NCAPG2: variants seen among roughly 807,000 people sequenced by gnomAD.
NCAPG2 encodes condensin-2 complex subunit G2.
In NCAPG2, 53 loss-of-function variants were observed where a neutral mutation model predicts 141.1. The observed-to-expected ratio is 0.38, with a 90% confidence interval of 0.30 to 0.47. The LOEUF is 0.47. Among genes scored for constraint, NCAPG2 ranks in the 20% least tolerant of loss-of-function variants. The pLI is 0.99. For synonymous variants in NCAPG2, 499 were observed against 490.7 expected, an observed-to-expected ratio of 1.02 and a Z score of -0.22; for missense variants, 1,087 against 1,389.0, an observed-to-expected ratio of 0.78 and a Z score of 3.46.
At chr7:158,651,819 C>T (rs553813734) in intron 23 of NCAPG2, among the ~76,000 whole-genome samples, 8 of 152,204 alleles carry the variant, frequency 5.3e-5, no homozygotes, top group Non-Finnish European at 8.8e-5. Context: ...AGGGAGGTAA[C>T]TCATGACAGA....
chr7:158,639,719 A>T, intron 27 of NCAPG2: 2 of 339,822 alleles, frequency 5.9e-6, no homozygotes, highest in Non-Finnish European at 8.3e-6. Context: ...AACACTGAAA[A>T]GGGAGAAGTT....
chr7:158,656,351 T>C lies in NCAPG2; in HGVS notation c.2297A>G (p.Tyr766Cys), dbSNP rs947549255. 9.3e-6 allele frequency: 15 copies of C among 1,614,188 alleles called. No homozygotes were observed. The highest frequency in any genetic ancestry group is 1.3e-5 in the Non-Finnish European group (15 of 1,180,028). The change falls in exon 19 of 28, where the codon TAT becomes TGT. Residue 766 changes from tyrosine to cysteine, a missense_variant. By Grantham distance (194) the Tyr-to-Cys change is radical. Transcript: ENST00000356309. The stretch of plus-strand genomic sequence containing the variant: ...GCGGTTCTTTGGATGAGTCAGCAGA[T>C]ACTCAATGTAGACCAATGCCAATTC... The part of the protein sequence containing the change: ...KPELALVYIE[Y>C]LLTHPKNREC...
Position 158,667,346 on chromosome 7 carries a change from C to CCCG in NCAPG2, c.1480-2597_1480-2596insCGG, listed in dbSNP as rs1833096652. 3.0e-5 allele frequency: 4 copies of CCCG among 134,050 alleles called. 1 individual carries two copies. Among genetic ancestry groups the CCCG allele is most frequent in the Admixed American group, 3.3e-4 (1 of 3,038 alleles). 8.3% of individuals were successfully genotyped at this position (134,050 alleles called of 1,614,324 possible). On this transcript the variant is annotated intron_variant, in intron 13 of 27. Transcript: ENST00000356309. The stretch of plus-strand genomic sequence containing the variant: ...GTCCCTCCGCTACTGTGTCCCTCCG[C>CCCG]TCCTTAGCCACTACCGGATCCCTCC...
intron 5 of NCAPG2, among the ~76,000 whole-genome samples, chr7:158,690,190 C>T (rs1835031809): frequency 6.6e-6 from 1 of 152,046 alleles, no homozygotes. Context: ...AGAACTTCCT[C>T]GATGATGAAG....
intron 16 of NCAPG2, among the ~76,000 whole-genome samples, chr7:158,659,127 C>T (rs1283576732): frequency 4.0e-5 from 6 of 150,554 alleles, no homozygotes; most frequent in South Asian, 4.2e-4. Context: ...GTTAGGAGTT[C>T]GAGAGCAGCC....
intron 13 of NCAPG2, among the ~76,000 whole-genome samples, chr7:158,670,110 T>C (rs1377725486): frequency 1.3e-5 from 2 of 152,362 alleles, no homozygotes; most frequent in Admixed American, 6.5e-5. Context: ...ACATGGTCAA[T>C]GATTTTCAAC....
At chr7:158,659,536 G>A (rs1832309623) in intron 16 of NCAPG2, among the ~76,000 whole-genome samples, 2 of 152,000 alleles carry the variant, frequency 1.3e-5, no homozygotes, top group South Asian at 4.2e-4. Flanking sequence ...TCCCAGTACA[G>A]TATTTAGAGT....
At chr7:158,643,878 GCAAGGGGGAAATTACACA>G (rs1830812031) in intron 27 of NCAPG2, among the ~76,000 whole-genome samples, 1 of 152,200 alleles carries the variant, frequency 6.6e-6, no homozygotes, top group South Asian at 2.1e-4. Context: ...GGGCTGTCCA[GCAAGGGGGAAATTACACA>G]CATCTCAGAG....
intron 8 of NCAPG2, among the ~76,000 whole-genome samples, chr7:158,685,361 A>G (rs1055889369): frequency 3.9e-5 from 6 of 152,328 alleles, no homozygotes; most frequent in South Asian, 4.1e-4. Flanking sequence ...CCACAGATGC[A>G]ATTTTAAATT....
intron 2 of NCAPG2, among the ~76,000 whole-genome samples, chr7:158,695,794 A>C (rs897741108): frequency 6.6e-6 from 1 of 152,262 alleles, no homozygotes; most frequent in Non-Finnish European, 1.5e-5. Context: ...AGTTAGAAAG[A>C]ACACGTGCAG....
chr7:158,692,292 G>A lies in NCAPG2; in HGVS notation c.382+550C>T, dbSNP rs191300496. Among the ~76,000 whole-genome samples, 319 of 148,200 alleles carry A rather than the reference G, an allele frequency of 2.2e-3. 3 individuals carry two copies. The highest frequency in any genetic ancestry group is 7.6e-3 in the Admixed American group (111 of 14,544). ...ACTGCACTTCAGCATAGGCAACAGG[G>A]CGAGATTCTGTCTCTAAAAAAAAAT... On this transcript the variant is annotated intron_variant, in intron 4 of 27. Coordinates refer to ENST00000356309, the MANE Select transcript of NCAPG2 (RefSeq NM_017760.7).
intron 7 of NCAPG2, 57 bp from the exon 8 acceptor site, chr7:158,686,298 A>G: frequency 1.9e-6 from 2 of 1,055,066 alleles, no homozygotes; most frequent in South Asian, 3.3e-5. Flanking sequence ...TTCTTTCAAC[A>G]TGTATCATTT....
chr7:158,698,494 C>G (rs911336278), intron 2 of NCAPG2, among the ~76,000 whole-genome samples: 1 of 152,214 alleles, frequency 6.6e-6, no homozygotes, highest in Non-Finnish European at 1.5e-5. Flanking sequence ...TGTTACAACA[C>G]TGTGCCTACA....
At chr7:158,648,388 G>C (rs934956439) in intron 24 of NCAPG2, among the ~76,000 whole-genome samples, 1 of 151,010 alleles carries the variant, frequency 6.6e-6, no homozygotes, top group East Asian at 1.9e-4. Flanking sequence ...AAAAGTGACA[G>C]GAAAGAAAAA....
chr7:158,668,313 A>ACTGGGTCCCTCCGCCTTCCTTACCGACC (rs1833402036), intron 13 of NCAPG2: 1 of 887,864 alleles, frequency 1.1e-6, no homozygotes. Flanking sequence ...CTTACCCACT[A>ACTGGGTCCCTCCGCCTTCCTTACCGACC]CTGGGTCCCT....
chr7:158,635,353 G>C (rs969935229), intron 27 of NCAPG2, among the ~76,000 whole-genome samples: 1 of 151,950 alleles, frequency 6.6e-6, no homozygotes, highest in Non-Finnish European at 1.5e-5. Context: ...CATTTTCAGG[G>C]AGTACTCTTT....
chr7:158,697,490 A>T (rs1835522095), intron 2 of NCAPG2, among the ~76,000 whole-genome samples: 2 of 152,076 alleles, frequency 1.3e-5, no homozygotes, highest in Admixed American at 1.3e-4. Context: ...AATCTCAACT[A>T]TTCAGGAGGC....
chr7:158,645,263 G>C (rs1195732854), intron 26 of NCAPG2, among the ~76,000 whole-genome samples: 1 of 152,196 alleles, frequency 6.6e-6, no homozygotes, highest in Non-Finnish European at 1.5e-5. Flanking sequence ...AGTGGCAACA[G>C]GTGAAAATGA....
chr7:158,689,804 C>G lies in NCAPG2; in HGVS notation c.672+15G>C, dbSNP rs1162313990. 2 of 1,558,542 alleles carry G rather than the reference C, an allele frequency of 1.3e-6. No individual in the cohort carries two copies. Among genetic ancestry groups the G allele is most frequent in the Non-Finnish European group, 1.7e-6 (2 of 1,145,526 alleles). The stretch of plus-strand genomic sequence containing the variant: ...AGCAGCTCACAAACAGATCAAAAAA[C>G]AAATACCTATTTACCTCTTCTTTCT... On this transcript the variant is annotated intron_variant, in intron 6 of 27. Coordinates refer to ENST00000356309, the MANE Select transcript of NCAPG2 (RefSeq NM_017760.7).
Sources: gnomAD v4.1 joint callset for allele counts (sites outside exome capture counted in the v4.1 genomes callset) on GRCh38, gnomAD v4.1.1 for gene constraint, MANE v1.5 for transcripts, NCBI Gene and HGNC (gene_info 2026-07-23, HGNC 2026-07-21) for gene names.